RHBDD1: variants seen among roughly 807,000 people sequenced by gnomAD.
RHBDD1 encodes rhomboid-related protein 4.
A neutral mutation model predicts 36.3 loss-of-function variants in RHBDD1; 38 were observed. The observed-to-expected ratio is 1.05, with a 90% CI of 0.81 to 1.37. The LOEUF (loss-of-function observed/expected upper bound fraction) is 1.37. Ranked by LOEUF, RHBDD1 falls within the 40% of genes most tolerant of loss-of-function variation. RHBDD1 has a pLI of 0.00. For missense variants in RHBDD1, 393 were observed against 377.6 expected (o/e 1.04, Z -0.34); for synonymous variants, 151 against 136.5 (o/e 1.11, Z -0.74).
chr2:226,851,846 T>C (rs962694060), intron 3 of RHBDD1, among the ~76,000 whole-genome samples: 1 of 152,238 alleles, frequency 6.6e-6, no homozygotes, highest in African/African-American at 2.4e-5. Context: ...CCAATGCTCA[T>C]GTAGTTCCTT....
intron 8 of RHBDD1, among the ~76,000 whole-genome samples, chr2:226,920,861 T>C (rs1465614526): frequency 6.6e-6 from 1 of 152,182 alleles, no homozygotes; most frequent in East Asian, 1.9e-4. Flanking sequence ...ATCAGGATAA[T>C]ACTGGCCTCA....
chr2:226,933,912 T>C (rs1950183322), intron 8 of RHBDD1, among the ~76,000 whole-genome samples: 1 of 152,172 alleles, frequency 6.6e-6, no homozygotes, highest in African/African-American at 2.4e-5. Flanking sequence ...ATGAAATAGA[T>C]AGAAACTATA....
intron 8 of RHBDD1, among the ~76,000 whole-genome samples, chr2:226,937,838 A>G (rs191804573): frequency 8.5e-5 from 13 of 152,264 alleles, no homozygotes; most frequent in Admixed American, 5.2e-4. Context: ...TATCCAGTCT[A>G]TCATTGATGG....
At chr2:226,994,514 C>A (rs960020428) in intron 8 of RHBDD1, among the ~76,000 whole-genome samples, 1 of 152,120 alleles carries the variant, frequency 6.6e-6, no homozygotes. Context: ...TGGGAGAGAG[C>A]CTTTCAGTGC....
In RHBDD1 at chr2:226,849,092, T is replaced by C. The variant is rs1322812967; in HGVS notation, c.-91+9465T>C. On this transcript the variant is annotated intron_variant, in intron 3 of 8. Coordinates refer to ENST00000392062, the MANE Select transcript of RHBDD1 (RefSeq NM_001167608.3). ...GCATTATTCTAAGAATCTCAATGTT[T>C]TAGATCATTTAGTTTGTATAAGAAC... Among the ~76,000 whole-genome samples the C allele has an allele frequency of 3.3e-5, 5 of 152,248 alleles. No individual in the cohort carries two copies. In the East Asian group the frequency reaches 9.6e-4, roughly 29 times the overall value.
chr2:226,907,651 T>G (rs557054882), intron 6 of RHBDD1, among the ~76,000 whole-genome samples: 1 of 152,140 alleles, frequency 6.6e-6, no homozygotes, highest in East Asian at 1.9e-4. Context: ...TGACTGGTAT[T>G]CTTGAGAACC....
chr2:226,978,669 A>T (rs991636658), intron 8 of RHBDD1, among the ~76,000 whole-genome samples: 2 of 152,292 alleles, frequency 1.3e-5, no homozygotes, highest in South Asian at 2.1e-4. Context: ...CGCAGTGAGA[A>T]TGCACGCTGT....
chr2:226,993,401 C>G (rs1035827660), intron 8 of RHBDD1, among the ~76,000 whole-genome samples: 9 of 152,170 alleles, frequency 5.9e-5, no homozygotes, highest in African/African-American at 1.4e-4. Flanking sequence ...AAGTCCTGGC[C>G]TGCACTCACA....
At chr2:226,863,011 C>T (rs1462379017) in intron 3 of RHBDD1, among the ~76,000 whole-genome samples, 1 of 152,196 alleles carries the variant, frequency 6.6e-6, no homozygotes, top group Non-Finnish European at 1.5e-5. Context: ...CCCCATGACC[C>T]AAACACCTCC....
At chr2:226,876,671 T>C (rs1945266660) in intron 5 of RHBDD1, among the ~76,000 whole-genome samples, 1 of 152,178 alleles carries the variant, frequency 6.6e-6, no homozygotes, top group Non-Finnish European at 1.5e-5. Context: ...CTTTTGATCA[T>C]AAAACCCATT....
rs912664208 is a variant in RHBDD1, at chr2:226,996,707, T to A, written c.*1185T>A. The A allele has an allele frequency of 1.3e-5, 2 of 152,252 alleles. No homozygotes were observed. Among genetic ancestry groups the A allele is most frequent in the Non-Finnish European group, 2.9e-5 (2 of 68,042 alleles). The allele number at this position is 152,252 out of a possible 1,614,324, so 9.4% of individuals were successfully genotyped here. On this transcript the variant is annotated 3_prime_UTR_variant, in exon 9 of 9. Coordinates refer to ENST00000392062, the MANE Select transcript of RHBDD1 (RefSeq NM_001167608.3). The stretch of plus-strand genomic sequence containing the variant: ...TATACCCAAATCTTAGCAGGGGTTA[T>A]CTTTGGGAGTGGAGTACATGGGATT...
chr2:226,930,892 A>G (rs114853064), intron 8 of RHBDD1, among the ~76,000 whole-genome samples: 2,852 of 152,212 alleles, frequency 0.019, 43 homozygotes, highest in Non-Finnish European at 0.027. Context: ...AAAAATGCTT[A>G]ACATCACTAA....
intron 8 of RHBDD1, among the ~76,000 whole-genome samples, chr2:226,984,711 T>C (rs1173127184): frequency 6.6e-6 from 1 of 152,162 alleles, no homozygotes. Context: ...CTGGAGACTT[T>C]TGCAGATTCC....
upstream of RHBDD1, among the ~76,000 whole-genome samples, chr2:226,831,534 C>T (rs143371287): frequency 2.3e-4 from 35 of 152,210 alleles, no homozygotes; most frequent in Admixed American, 2.1e-3. Flanking sequence ...AACCAAGGAG[C>T]ACCAAGAAAG....
rs1944810245 is a variant in RHBDD1, at chr2:226,871,674, G to A, written c.566+4356G>A. 2.0e-5 allele frequency among the ~76,000 whole-genome samples: 3 copies of A among 152,008 alleles called. No homozygotes were observed. In the South Asian group the frequency reaches 6.2e-4, roughly 32 times the overall value. On this transcript the variant is annotated intron_variant, in intron 5 of 8. Coordinates refer to ENST00000392062, the MANE Select transcript of RHBDD1 (RefSeq NM_001167608.3). ...AGACTTGTCTGCTTGTTTCCTTTGG[G>A]GCTTGTTTAACTTGTCCCTCTATCC... is the stretch of plus-strand genomic sequence containing the variant.
At position 226,997,593 on chromosome 2, in the gene RHBDD1, A is replaced by G. The variant is rs1959746511; in HGVS notation, c.*2071A>G. 6.6e-6 allele frequency: 1 copy of G among 152,212 alleles called. No homozygotes were observed. Among genetic ancestry groups the G allele is most frequent in the African/African-American group, 2.4e-5 (1 of 41,458 alleles). 9.4% of individuals were successfully genotyped at this position (152,212 alleles called of 1,614,324 possible). ...CCAAAGTATTTTTTCCATTGTATTAAGAGTCCAGTCACTGTATATGGAAGT... is the reference window on the plus strand; with the variant it reads ...CCAAAGTATTTTTTCCATTGTATTAGGAGTCCAGTCACTGTATATGGAAGT... On this transcript the variant is annotated 3_prime_UTR_variant, in exon 9 of 9. Coordinates refer to ENST00000392062, the MANE Select transcript of RHBDD1 (RefSeq NM_001167608.3).
At chr2:226,861,527 G>C (rs1292824131) in intron 3 of RHBDD1, among the ~76,000 whole-genome samples, 1 of 152,186 alleles carries the variant, frequency 6.6e-6, no homozygotes, top group Non-Finnish European at 1.5e-5. Context: ...AGTTTTTCTT[G>C]AGCAAAGATG....
chr2:226,950,524 A>G (rs534192852), intron 8 of RHBDD1, among the ~76,000 whole-genome samples: 8 of 152,278 alleles, frequency 5.3e-5, no homozygotes, highest in Non-Finnish European at 8.8e-5. Context: ...TATCTCTTCA[A>G]CCTACTGACT....
chr2:226,801,207 G>C, the RHBDD1 span, among the ~76,000 whole-genome samples: 1 of 152,160 alleles, frequency 6.6e-6, no homozygotes, highest in Non-Finnish European at 1.5e-5. Flanking sequence ...GCTGGGACCC[G>C]GCGGGCCGCG....
Sources: allele counts gnomAD v4.1 joint callset (sites outside exome capture counted in the v4.1 genomes callset), GRCh38; gene constraint gnomAD v4.1.1; transcripts MANE v1.5; gene names NCBI Gene and HGNC (gene_info 2026-07-23, HGNC 2026-07-21).